PTPN9: variants seen among roughly 807,000 people sequenced by gnomAD.
PTPN9 encodes protein tyrosine phosphatase non-receptor type 9.
In PTPN9, 26 loss-of-function variants were observed where a neutral mutation model predicts 69.8. The ratio of observed to expected loss-of-function variants is 0.37; its 90% CI spans 0.27 to 0.52. The LOEUF (loss-of-function observed/expected upper bound fraction) is 0.52. PTPN9 is among the 20% of genes least tolerant of loss of function. PTPN9 has a pLI of 0.91. For missense variants in PTPN9, 549 were observed against 740.3 expected, an observed-to-expected ratio of 0.74 and a Z score of 3.00; for synonymous variants, 274 against 272.5, an observed-to-expected ratio of 1.01 and a Z score of -0.05.
Position 75,473,540 on chromosome 15 carries a change from T to C in PTPN9, c.1208+149A>G, listed in dbSNP as rs1020636452. The C allele has an allele frequency of 4.5e-6, 3 of 660,278 alleles. No homozygotes were observed. The Admixed American group carries it at 7.3e-5, about 16-fold the overall frequency. 40.9% of individuals were successfully genotyped at this position (660,278 alleles called of 1,614,324 possible). On this transcript the variant is annotated intron_variant, in intron 10 of 12. Coordinates refer to ENST00000618819, the MANE Select transcript of PTPN9 (RefSeq NM_002833.4). ...CTCCTGACCTTGTGATCCGCCTGCC[T>C]TGGCCTCCCTAAGTGCTGGGATTAC...
In PTPN9 at chr15:75,470,015, A is replaced by T. The variant is rs2074555700; in HGVS notation, c.1360-16T>A. 6.3e-7 allele frequency: 1 copy of T among 1,593,438 alleles called. No individual in the cohort carries two copies. Among genetic ancestry groups the T allele is most frequent in the Non-Finnish European group, 8.6e-7 (1 of 1,161,700 alleles). On this transcript the variant is annotated splice_polypyrimidine_tract_variant and intron_variant, in intron 11 of 12. Transcript: ENST00000618819. Reference sequence around the variant, plus strand: ...TCTGCCGTTCCTTAGATAAGAAAAGAAGTAAACGTTAACAAGGTTATTTCT... The same window carrying T: ...TCTGCCGTTCCTTAGATAAGAAAAGTAGTAAACGTTAACAAGGTTATTTCT...
intron 1 of PTPN9, among the ~76,000 whole-genome samples, chr15:75,565,109 T>TATA (rs200204488): frequency 0.18 from 26,038 of 141,592 alleles, 2,515 homozygotes; most frequent in Non-Finnish European, 0.22. Context: ...TCAAAAAATA[T>TATA]ATAATAATAA....
intron 6 of PTPN9, among the ~76,000 whole-genome samples, chr15:75,506,583 C>G (rs751657372): frequency 2.0e-5 from 3 of 152,064 alleles, no homozygotes; most frequent in Admixed American, 6.6e-5. Context: ...GATGAAGGCT[C>G]ACTGCAGCCT....
chr15:75,530,450 TATA>T (rs1168063611), intron 1 of PTPN9, among the ~76,000 whole-genome samples: 94 of 102,134 alleles, frequency 9.2e-4, no homozygotes, highest in Admixed American at 8.8e-3. Context: ...ATATTATTAT[TATA>T]ATAAAATATA....
At chr15:75,495,954 A>C (rs1409613845) in intron 7 of PTPN9, among the ~76,000 whole-genome samples, 2 of 152,000 alleles carry the variant, frequency 1.3e-5, no homozygotes, top group African/African-American at 4.8e-5. Context: ...CCTGGGCAAC[A>C]TGGCGAAACC....
chr15:75,566,047 A>G (rs2075125231), intron 1 of PTPN9, among the ~76,000 whole-genome samples: 1 of 152,188 alleles, frequency 6.6e-6, no homozygotes, highest in African/African-American at 2.4e-5. Flanking sequence ...ACAGAGATCA[A>G]GAATACTTAC....
intron 1 of PTPN9, among the ~76,000 whole-genome samples, chr15:75,545,605 G>A (rs928181501): frequency 4.6e-5 from 7 of 152,072 alleles, no homozygotes; most frequent in East Asian, 3.8e-4. Context: ...ATATCTTAAC[G>A]TCAGACATCT....
intron 4 of PTPN9, among the ~76,000 whole-genome samples, chr15:75,520,437 A>AATAGATAG (rs138397961): frequency 0.091 from 12,768 of 140,248 alleles, 578 homozygotes; most frequent in Non-Finnish European, 0.11. Context: ...TAGGGTATAG[A>AATAGATAG]ATAGATAGAT....
chr15:75,497,060 TA>T (rs1405314829), intron 7 of PTPN9, among the ~76,000 whole-genome samples: 1 of 152,188 alleles, frequency 6.6e-6, no homozygotes, highest in East Asian at 1.9e-4. Context: ...CTTATGCATA[TA>T]TAACAGTATA....
At chr15:75,513,433 G>A (rs2074853167) in intron 5 of PTPN9, 1 of 455,642 alleles carries the variant, frequency 2.2e-6, no homozygotes, top group South Asian at 1.6e-5. Flanking sequence ...TAGAACTAAA[G>A]GGTAACTGAA....
intron 1 of PTPN9, among the ~76,000 whole-genome samples, chr15:75,530,671 T>A (rs57359463): frequency 0.14 from 4,605 of 33,044 alleles, 1,083 homozygotes; most frequent in African/African-American, 0.38. Context: ...AATATACTAT[T>A]ATATATATTA....
rs371087693 is a variant in PTPN9, at chr15:75,505,935, A to C, written c.708T>G (p.Gly236=). 2.4e-5 allele frequency: 39 copies of C among 1,613,932 alleles called. No homozygotes were observed. The African/African-American group carries it at 4.9e-4, about 20-fold the overall frequency. The change falls in exon 7 of 13, where the codon GGT becomes GGG. Residue 236 remains glycine, a synonymous_variant. Coordinates refer to ENST00000618819, the MANE Select transcript of PTPN9 (RefSeq NM_002833.4). ...TGGCGAGATCAATTTTGACGTACCC[A>C]CCCAGGTTTTCTGGAAGACACTCCC... ...LPRECLPENL[G]GYVKIDLATW...
At chr15:75,488,282 A>T (rs184998346) in intron 8 of PTPN9, among the ~76,000 whole-genome samples, 216 of 152,176 alleles carry the variant, frequency 1.4e-3, no homozygotes, top group South Asian at 5.4e-3. Flanking sequence ...ACTCTGTCTC[A>T]AAATAAATAA....
intron 10 of PTPN9, among the ~76,000 whole-genome samples, chr15:75,472,885 T>G (rs1439536882): frequency 6.6e-6 from 1 of 151,350 alleles, no homozygotes; most frequent in African/African-American, 2.4e-5. Flanking sequence ...GAGACGGAAG[T>G]TACAGTGAGC....
intron 1 of PTPN9, among the ~76,000 whole-genome samples, chr15:75,536,494 A>G (rs948783555): frequency 1.3e-5 from 2 of 152,158 alleles, no homozygotes; most frequent in Non-Finnish European, 2.9e-5. Context: ...TTTTTTTAGG[A>G]GTGCCTTGAA....
intron 8 of PTPN9, among the ~76,000 whole-genome samples, chr15:75,481,159 C>T (rs1456366733): frequency 6.9e-5 from 5 of 72,214 alleles, no homozygotes; most frequent in African/African-American, 1.2e-4. Context: ...TCTGCCCGGC[C>T]GAGACCCCCT....
At chr15:75,562,013 A>T (rs982897404) in intron 1 of PTPN9, among the ~76,000 whole-genome samples, 11 of 151,830 alleles carry the variant, frequency 7.2e-5, no homozygotes, top group African/African-American at 2.2e-4. Flanking sequence ...CAGCTAATTT[A>T]TTATTATTAT....
chr15:75,549,732 TG>T (rs2075048732), intron 1 of PTPN9, among the ~76,000 whole-genome samples: 2 of 152,114 alleles, frequency 1.3e-5, no homozygotes, highest in African/African-American at 4.8e-5. Context: ...GTCTAGACCT[TG>T]GAAGGCTGGG....
chr15:75,578,762 G>A lies in PTPN9; in HGVS notation c.15C>T (p.Thr5=). 1 of 1,282,220 alleles carries A rather than the reference G, an allele frequency of 7.8e-7. No individual in the cohort carries two copies. Among genetic ancestry groups the A allele is most frequent in the South Asian group, 2.5e-5 (1 of 40,028 alleles). The allele number at this position is 1,282,220 out of a possible 1,614,324, so 79.4% of individuals were successfully genotyped here. MEPA[T]APRPDMAPEL... ...CCGGCGCCATGTCGGGCCGGGGCGC[G>A]GTCGCGGGCTCCATCCCCCCGCCAC... The change falls in exon 1 of 13, where the codon ACC becomes ACT. Residue 5 remains threonine (T), a synonymous_variant. Transcript: ENST00000618819.
Sources: allele counts gnomAD v4.1 joint callset (sites outside exome capture counted in the v4.1 genomes callset), GRCh38; gene constraint gnomAD v4.1.1; transcripts MANE v1.5; gene names NCBI Gene and HGNC (gene_info 2026-07-23, HGNC 2026-07-21).